Variants in PTP4A1 observed in about 807,000 individuals in gnomAD.
The protein encoded by PTP4A1 is protein tyrosine phosphatase type IVA 1.
PTP4A1 carries 9 observed loss-of-function variants against 20.5 expected under a neutral mutation model. The ratio of observed to expected loss-of-function variants is 0.44; its 90% CI spans 0.26 to 0.77. The LOEUF (loss-of-function observed/expected upper bound fraction) is 0.77, where lower values mean the gene tolerates loss of function less well. Ranked by LOEUF, PTP4A1 falls within the 30% of genes least tolerant of loss-of-function variation. The pLI is 0.19. For synonymous variants in PTP4A1, 78 were observed against 67.4 expected (o/e 1.16, Z -0.77); for missense variants, 137 against 218.8 (o/e 0.63, Z 2.36).
intron 2 of PTP4A1, among the ~76,000 whole-genome samples, chr6:63,529,151 A>C (rs1019741564): frequency 1.0e-4 from 11 of 106,780 alleles, no homozygotes; most frequent in Non-Finnish European, 1.8e-4. Flanking sequence ...ATATATATGT[A>C]TATATATGTG....
intron 1 of PTP4A1, 55 bp downstream of exon 1, chr6:63,572,774 C>G (rs1210251157): frequency 2.8e-5 from 11 of 398,416 alleles, no homozygotes; most frequent in Middle Eastern, 6.2e-4. Context: ...ACCGGCCCCC[C>G]ATCCCCGCTG....
At position 63,582,939 on chromosome 6, in the gene PTP4A1, G is replaced by A. The variant is rs1472923372; in HGVS notation, c.*2765G>A. 1 of 152,150 alleles carries A rather than the reference G, an allele frequency of 6.6e-6. No individual in the cohort carries two copies. Among genetic ancestry groups the A allele is most frequent in the Admixed American group, 6.6e-5 (1 of 15,260 alleles). 9.4% of individuals were successfully genotyped at this position (152,150 alleles called of 1,614,324 possible). On this transcript the variant is annotated 3_prime_UTR_variant, in exon 6 of 6. Transcript: ENST00000626021. ...TCCCCCTTCTAGAGTGCTTCAAAAT[G>A]ATGTAGTCCCTCAACTTGGCTAAAG...
upstream of PTP4A1, chr6:63,571,592 C>T (rs1176749417): frequency 1.3e-5 from 2 of 152,180 alleles, no homozygotes; most frequent in Non-Finnish European, 2.9e-5. Context: ...CTTGACAAAA[C>T]CGAGGATTCT....
chr6:63,558,778 A>G (rs1776799025), intron 3 of PTP4A1, among the ~76,000 whole-genome samples: 1 of 152,234 alleles, frequency 6.6e-6, no homozygotes, highest in Admixed American at 6.5e-5. Flanking sequence ...ATTCTTTAAA[A>G]TACCAACACC....
intron 1 of PTP4A1, among the ~76,000 whole-genome samples, chr6:63,524,976 T>C (rs144364735): frequency 1.3e-5 from 2 of 152,354 alleles, no homozygotes; most frequent in Non-Finnish European, 2.9e-5. Flanking sequence ...TTATTGAGTT[T>C]AACTCCTAAA....
chr6:63,530,188 A>G (rs1339094712), intron 2 of PTP4A1, among the ~76,000 whole-genome samples: 3 of 152,224 alleles, frequency 2.0e-5, no homozygotes, highest in Non-Finnish European at 4.4e-5. Context: ...TGTGATCATT[A>G]AAACAGCCAT....
chr6:63,560,690 C>A (rs565037490), intron 3 of PTP4A1, among the ~76,000 whole-genome samples: 1 of 152,012 alleles, frequency 6.6e-6, no homozygotes, highest in African/African-American at 2.4e-5. Context: ...AGGTGTGAGC[C>A]ACCGCACCCA....
At chr6:63,577,652 G>T (rs1777955082) in intron 2 of PTP4A1, among the ~76,000 whole-genome samples, 1 of 152,004 alleles carries the variant, frequency 6.6e-6, no homozygotes, top group Non-Finnish European at 1.5e-5. Flanking sequence ...TGCCTCCCGG[G>T]TTCAAGCAAT....
intron 1 of PTP4A1, among the ~76,000 whole-genome samples, chr6:63,527,010 T>C (rs893667502): frequency 2.0e-5 from 3 of 151,962 alleles, no homozygotes; most frequent in Admixed American, 6.6e-5. Context: ...CATGAGCTCA[T>C]TGTTGTTCCC....
At chr6:63,542,042 TG>T (rs1160682178) in intron 2 of PTP4A1, among the ~76,000 whole-genome samples, 116 of 151,724 alleles carry the variant, frequency 7.6e-4, no homozygotes, top group Non-Finnish European at 1.3e-3. Context: ...TGTGTGTGTG[TG>T]TGTGTGTGTG....
intron 3 of PTP4A1, among the ~76,000 whole-genome samples, chr6:63,551,141 C>G (rs1055954130): frequency 6.6e-6 from 1 of 152,238 alleles, no homozygotes; most frequent in African/African-American, 2.4e-5. Flanking sequence ...TCTCTGCTCA[C>G]TGCAACCTCT....
At chr6:63,551,746 C>A (rs1170129826) in intron 3 of PTP4A1, among the ~76,000 whole-genome samples, 1 of 142,182 alleles carries the variant, frequency 7.0e-6, no homozygotes, top group Admixed American at 7.5e-5. Flanking sequence ...TCCATGTGTT[C>A]TCATTGTTCA....
chr6:63,544,331 A>G (rs1035974916), intron 2 of PTP4A1, among the ~76,000 whole-genome samples: 2 of 152,196 alleles, frequency 1.3e-5, no homozygotes, highest in Non-Finnish European at 2.9e-5. Flanking sequence ...ACCTATGTAT[A>G]TACATTATTT....
At chr6:63,558,589 T>C (rs1039149382) in intron 3 of PTP4A1, among the ~76,000 whole-genome samples, 5 of 152,178 alleles carry the variant, frequency 3.3e-5, no homozygotes, top group Non-Finnish European at 7.3e-5. Flanking sequence ...ATGTTGAATA[T>C]GAGGTGCCTC....
chr6:63,566,002 C>A (rs1037174978), intron 3 of PTP4A1, among the ~76,000 whole-genome samples: 1 of 152,190 alleles, frequency 6.6e-6, no homozygotes, highest in African/African-American at 2.4e-5. Flanking sequence ...ACAGGTATTA[C>A]AATAAAGGAA....
intron 2 of PTP4A1, among the ~76,000 whole-genome samples, chr6:63,547,760 C>G (rs529874324): frequency 1.3e-5 from 2 of 151,696 alleles, no homozygotes; most frequent in Admixed American, 6.6e-5. Context: ...ATCCACCCCC[C>G]TCGGCCTCCC....
chr6:63,580,279 A>G lies in PTP4A1; in HGVS notation c.*105A>G. 1 of 940,326 alleles carries G rather than the reference A, an allele frequency of 1.1e-6. No homozygotes were observed. Among genetic ancestry groups the G allele is most frequent in the African/African-American group, 1.6e-5 (1 of 60,842 alleles). 58.2% of individuals were successfully genotyped at this position (940,326 alleles called of 1,614,324 possible). A position where few individuals can be genotyped will look rare whatever the true frequency, so the allele number is the denominator to read the frequency against. On this transcript the variant is annotated 3_prime_UTR_variant, in exon 6 of 6. Transcript: ENST00000626021. The stretch of plus-strand genomic sequence containing the variant: ...TTAGTAAGTCTAATGAAGCTTCCAT[A>G]GGAGTATTGAAAGGCAGTTTTACCA...
At chr6:63,537,377 G>A (rs1775772153) in intron 2 of PTP4A1, among the ~76,000 whole-genome samples, 1 of 152,118 alleles carries the variant, frequency 6.6e-6, no homozygotes, top group Non-Finnish European at 1.5e-5. Context: ...AGGATAAAGA[G>A]GAAAAACCAT....
intron 4 of PTP4A1, 45 bp downstream of exon 4, chr6:63,579,073 A>T (rs1400060351): frequency 6.6e-7 from 1 of 1,520,214 alleles, no homozygotes; most frequent in African/African-American, 1.4e-5. Context: ...ATCTATTGAT[A>T]ATGAAAATAC....
Sources: gnomAD v4.1 joint callset for allele counts (sites outside exome capture counted in the v4.1 genomes callset) on GRCh38, gnomAD v4.1.1 for gene constraint, MANE v1.5 for transcripts, NCBI Gene and HGNC (gene_info 2026-07-23, HGNC 2026-07-21) for gene names.